NRXN3: variants seen among roughly 807,000 people sequenced by gnomAD.
NRXN3 encodes neurexin III.
A neutral mutation model predicts 137.6 loss-of-function variants in NRXN3; 32 were observed. The observed-to-expected ratio is 0.23, with a 90% confidence interval of 0.18 to 0.31. NRXN3 has a LOEUF of 0.31. NRXN3 is among the 10% of genes least tolerant of loss of function. NRXN3 has a pLI of 1.00. For synonymous variants in NRXN3, 798 were observed against 784.5 expected (o/e 1.02, Z -0.29); for missense variants, 1,574 against 2,062.5 (o/e 0.76, Z 4.59).
At chr14:78,767,029 TA>T (rs2098711326) in intron 8 of NRXN3, among the ~76,000 whole-genome samples, 2 of 152,192 alleles carry the variant, frequency 1.3e-5, no homozygotes, top group Admixed American at 1.3e-4. Flanking sequence ...CTTAGCTGCT[TA>T]AAACAACACA....
intron 15 of NRXN3, among the ~76,000 whole-genome samples, chr14:79,348,544 T>C (rs933409227): frequency 6.6e-5 from 10 of 151,908 alleles, no homozygotes; most frequent in Admixed American, 5.9e-4. Flanking sequence ...CCTGGCTAAT[T>C]TTTTTGTATT....
intron 11 of NRXN3, among the ~76,000 whole-genome samples, chr14:78,960,175 C>G (rs944372275): frequency 1.3e-5 from 2 of 152,076 alleles, no homozygotes; most frequent in African/African-American, 4.8e-5. Context: ...TCCCCCCAAC[C>G]CCCCGAACTT....
intron 4 of NRXN3, among the ~76,000 whole-genome samples, chr14:78,343,732 C>CA (rs1204390428): frequency 1.3e-5 from 2 of 152,188 alleles, no homozygotes; most frequent in African/African-American, 4.8e-5. Context: ...GCTGCCAGCA[C>CA]AAAACCTCCT....
chr14:79,702,410 T>G (rs954731635), intron 19 of NRXN3, among the ~76,000 whole-genome samples: 4 of 151,988 alleles, frequency 2.6e-5, no homozygotes, highest in African/African-American at 9.7e-5. Flanking sequence ...ATGGCAAGTG[T>G]TGCATGGTGT....
At chr14:79,723,143 ATAG>A (rs1004446107) in intron 19 of NRXN3, among the ~76,000 whole-genome samples, 1 of 152,138 alleles carries the variant, frequency 6.6e-6, no homozygotes, top group African/African-American at 2.4e-5. Context: ...ATATGCCAAC[ATAG>A]TAGCTTGGAG....
chr14:78,998,762 CT>C (rs1237108042), intron 15 of NRXN3, among the ~76,000 whole-genome samples: 356 of 119,782 alleles, frequency 3.0e-3, no homozygotes, highest in East Asian at 0.011. Context: ...CCATGCCCAG[CT>C]TTTTTTTTTT....
At chr14:78,234,324 A>G (rs1269732460) in intron 1 of NRXN3, among the ~76,000 whole-genome samples, 1 of 152,356 alleles carries the variant, frequency 6.6e-6, no homozygotes, top group Non-Finnish European at 1.5e-5. Context: ...GTGGACAGCA[A>G]CAGTAGATAA....
chr14:79,781,479 T>C (rs1351967215), intron 19 of NRXN3, among the ~76,000 whole-genome samples: 2 of 152,260 alleles, frequency 1.3e-5, no homozygotes, highest in Non-Finnish European at 2.9e-5. Flanking sequence ...CCCTTGCTCA[T>C]GCTTCATGAA....
chr14:78,640,688 A>G (rs2097617071), intron 4 of NRXN3, among the ~76,000 whole-genome samples: 1 of 152,212 alleles, frequency 6.6e-6, no homozygotes, highest in African/African-American at 2.4e-5. Flanking sequence ...AGTACTTCAT[A>G]TATCTTATAC....
At chr14:78,624,438 GA>G (rs2097434655) in intron 4 of NRXN3, among the ~76,000 whole-genome samples, 1 of 152,212 alleles carries the variant, frequency 6.6e-6, no homozygotes. Context: ...TGAGGAGATG[GA>G]AAAAGTTGTG....
At chr14:78,235,135 A>C (rs931046914) in intron 1 of NRXN3, among the ~76,000 whole-genome samples, 1 of 151,256 alleles carries the variant, frequency 6.6e-6, no homozygotes, top group Non-Finnish European at 1.5e-5. Context: ...TGGGTTGTTT[A>C]TATTGGAGGA....
At chr14:78,452,545 C>A (rs945841790) in intron 4 of NRXN3, among the ~76,000 whole-genome samples, 6 of 152,136 alleles carry the variant, frequency 3.9e-5, no homozygotes, top group African/African-American at 1.4e-4. Context: ...TGTGGAGGAT[C>A]TTTAATTTTT....
At chr14:79,143,324 T>G (rs2058989766) in intron 15 of NRXN3, among the ~76,000 whole-genome samples, 1 of 152,370 alleles carries the variant, frequency 6.6e-6, no homozygotes, top group Admixed American at 6.5e-5. Flanking sequence ...CTTTTTATGT[T>G]GGCTCCTGTA....
chr14:79,280,592 A>T, intron 15 of NRXN3: 1 of 1,515,198 alleles, frequency 6.6e-7, no homozygotes, highest in Non-Finnish European at 9.0e-7. Context: ...TCGCTAACCC[A>T]CTAGCCTTGC....
chr14:78,592,807 G>A lies in NRXN3; in HGVS notation c.758-52313G>A, dbSNP rs7159896. On this transcript the variant is annotated intron_variant, in intron 4 of 20. Coordinates refer to ENST00000335750, the MANE Select transcript of NRXN3 (RefSeq NM_001330195.2). ...TATTGTGCGTGACAACTGGGGACTCGATAACTAAACAATATCTGAACGCAG... is the reference window on the plus strand; with the variant it reads ...TATTGTGCGTGACAACTGGGGACTCAATAACTAAACAATATCTGAACGCAG... 3.9e-3 allele frequency among the ~76,000 whole-genome samples: 595 copies of A among 152,290 alleles called. 7 individuals carry two copies. The highest frequency in any genetic ancestry group is 0.013 in the African/African-American group (554 of 41,556).
intron 15 of NRXN3, among the ~76,000 whole-genome samples, chr14:79,124,812 A>G (rs1209575056): frequency 6.6e-6 from 1 of 152,230 alleles, no homozygotes; most frequent in African/African-American, 2.4e-5. Context: ...ATAAGTTTAT[A>G]AGCATGTGAA....
At chr14:78,572,258 GTC>G (rs1453865987) in intron 4 of NRXN3, among the ~76,000 whole-genome samples, 1 of 152,134 alleles carries the variant, frequency 6.6e-6, no homozygotes, top group Non-Finnish European at 1.5e-5. Flanking sequence ...AGTTCACTCT[GTC>G]TCTGTCTCCC....
At chr14:79,784,061 A>AGAT (rs1160613162) in intron 19 of NRXN3, among the ~76,000 whole-genome samples, 1 of 152,240 alleles carries the variant, frequency 6.6e-6, no homozygotes, top group African/African-American at 2.4e-5. Flanking sequence ...CTTATGTAAA[A>AGAT]GATGGAAATG....
intron 4 of NRXN3, among the ~76,000 whole-genome samples, chr14:78,350,117 G>T (rs573652289): frequency 2.6e-5 from 4 of 152,188 alleles, no homozygotes; most frequent in Admixed American, 2.6e-4. Flanking sequence ...GTGAAACCCT[G>T]TCTCTACTAA....
Sources: allele counts gnomAD v4.1 joint callset (sites outside exome capture counted in the v4.1 genomes callset), GRCh38; gene constraint gnomAD v4.1.1; transcripts MANE v1.5; gene names NCBI Gene and HGNC (gene_info 2026-07-23, HGNC 2026-07-21).